The following RMP24 variants were observed in gnomAD, a reference collection of about 807,000 sequenced individuals.
The protein encoded by RMP24 is ribonuclease MRP protein subunit p24.
chr18:35,977,089 G>C, the RMP24 span, among the ~76,000 whole-genome samples: 1 of 152,166 alleles, frequency 6.6e-6, no homozygotes, highest in Non-Finnish European at 1.5e-5. Context: ...GCCAGGCACA[G>C]TGGAAGGCGC....
chr18:35,972,705 G>C, the RMP24 span: 1 of 1,596,932 alleles, frequency 6.3e-7, no homozygotes, highest in Non-Finnish European at 8.5e-7. Context: ...TTCCCGCGGC[G>C]AGCCAGCGGC....
the RMP24 span, among the ~76,000 whole-genome samples, chr18:35,977,044 A>G: frequency 6.6e-6 from 1 of 152,144 alleles, no homozygotes; most frequent in Non-Finnish European, 1.5e-5. Flanking sequence ...GCTGGCCAAC[A>G]TGGCGAAACC....
At chr18:35,973,035 T>A in the RMP24 span, 1 of 1,269,852 alleles carries the variant, frequency 7.9e-7, no homozygotes, top group Non-Finnish European at 1.1e-6. Flanking sequence ...AAAGCCCGCA[T>A]GTGTCTCGGT....
At chr18:35,973,365 C>T in the RMP24 span, 1 of 179,262 alleles carries the variant, frequency 5.6e-6, no homozygotes, top group Non-Finnish European at 1.2e-5. Flanking sequence ...CAGCGCAGAC[C>T]TCTCCTCTGA....
chr18:35,975,381 C>T, the RMP24 span, among the ~76,000 whole-genome samples: 3 of 152,160 alleles, frequency 2.0e-5, no homozygotes, highest in Non-Finnish European at 2.9e-5. Flanking sequence ...TTGAACTGAC[C>T]GTTATGGCTC....
At chr18:35,973,163 C>T in the RMP24 span, 9 of 591,382 alleles carry the variant, frequency 1.5e-5, no homozygotes, top group South Asian at 1.0e-4. Context: ...ACGTAGTTCA[C>T]CTCTTCATTT....
At chr18:35,974,935 T>C in the RMP24 span, 5 of 1,614,186 alleles carry the variant, frequency 3.1e-6, no homozygotes, top group Admixed American at 1.7e-5. Context: ...CCATACTGTT[T>C]CCAGCTGTTG....
the RMP24 span, among the ~76,000 whole-genome samples, chr18:35,976,337 G>T: frequency 2.0e-5 from 3 of 151,678 alleles, no homozygotes; most frequent in Non-Finnish European, 4.4e-5. Flanking sequence ...CCTGTATACA[G>T]CCTCCTTCCA....
chr18:35,973,032 G>T, the RMP24 span: 2 of 1,288,386 alleles, frequency 1.6e-6, no homozygotes, highest in East Asian at 2.4e-5. Context: ...AACAAAGCCC[G>T]CATGTGTCTC....
the RMP24 span, chr18:35,974,866 G>A: frequency 5.1e-6 from 8 of 1,581,210 alleles, no homozygotes; most frequent in East Asian, 1.1e-4. Flanking sequence ...CTGATTTGCT[G>A]AATTGTGAGT....
chr18:35,977,293 C>T, the RMP24 span: 9 of 861,308 alleles, frequency 1.0e-5, no homozygotes, highest in African/African-American at 1.5e-4. Context: ...CTCTATTTTA[C>T]TTACCCCTAT....
At chr18:35,972,909 T>G in the RMP24 span, 2 of 1,614,192 alleles carry the variant, frequency 1.2e-6, no homozygotes, top group Admixed American at 3.3e-5. Flanking sequence ...CGTCGCACGG[T>G]AAGAAGAACG....
the RMP24 span, among the ~76,000 whole-genome samples, chr18:35,975,582 C>G: frequency 1.3e-5 from 2 of 152,136 alleles, no homozygotes; most frequent in Non-Finnish European, 2.9e-5. Context: ...TATTGAGGGT[C>G]TATCATATGC....
At chr18:35,975,947 G>A in the RMP24 span, among the ~76,000 whole-genome samples, 19 of 152,006 alleles carry the variant, frequency 1.2e-4, no homozygotes, top group Non-Finnish European at 2.2e-4. Flanking sequence ...TATGGAATTC[G>A]GTTTCTTAGT....
the RMP24 span, chr18:35,972,717 G>T: frequency 3.7e-6 from 6 of 1,601,702 alleles, no homozygotes; most frequent in African/African-American, 1.3e-5. Context: ...GCCAGCGGCA[G>T]CGGCGGCGGC....
At chr18:35,974,385 T>C in the RMP24 span, among the ~76,000 whole-genome samples, 1 of 152,254 alleles carries the variant, frequency 6.6e-6, no homozygotes, top group African/African-American at 2.4e-5. Context: ...ACTTAGTGAA[T>C]ATGAATGAGT....
chr18:35,977,592 G>A, the RMP24 span: 45 of 1,608,310 alleles, frequency 2.8e-5, no homozygotes, highest in Non-Finnish European at 3.5e-5. Context: ...GCCCAGCATC[G>A]GTTTTCAGGT....
At chr18:35,972,940 C>A in the RMP24 span, 6 of 1,613,612 alleles carry the variant, frequency 3.7e-6, no homozygotes, top group Middle Eastern at 1.6e-4. Flanking sequence ...GTGCTTTGGG[C>A]TCTTGTCGCC....
the RMP24 span, among the ~76,000 whole-genome samples, chr18:35,974,262 T>C: frequency 1.3e-5 from 2 of 152,368 alleles, no homozygotes; most frequent in Admixed American, 6.5e-5. Context: ...ACTTTTTTAT[T>C]CCCAGCACTT....
Sources: allele counts gnomAD v4.1 joint callset (sites outside exome capture counted in the v4.1 genomes callset), GRCh38; gene constraint gnomAD v4.1.1; transcripts MANE v1.5; gene names NCBI Gene and HGNC (gene_info 2026-07-23, HGNC 2026-07-21).